TAFA1: variants seen among roughly 807,000 people sequenced by gnomAD.
TAFA1 encodes the protein TAFA chemokine like family member 1.
In TAFA1, 4 loss-of-function variants were observed where a neutral mutation model predicts 18.5. That is an observed-to-expected ratio of 0.22 (90% confidence interval 0.11 to 0.49). TAFA1 has a LOEUF of 0.49. TAFA1 is among the 20% of genes least tolerant of loss of function. The pLI is 0.98. For missense variants in TAFA1, 147 were observed against 169.0 expected, an observed-to-expected ratio of 0.87 and a Z score of 0.72; for synonymous variants, 56 against 55.2, an observed-to-expected ratio of 1.01 and a Z score of -0.06.
chr3:68,518,365 T>G (rs1311924482), intron 3 of TAFA1, among the ~76,000 whole-genome samples: 1 of 152,208 alleles, frequency 6.6e-6, no homozygotes, highest in Non-Finnish European at 1.5e-5. Context: ...AAAGTATTAT[T>G]TATTTTGTCA....
intron 3 of TAFA1, among the ~76,000 whole-genome samples, chr3:68,460,032 G>T (rs2106919386): frequency 6.6e-6 from 1 of 152,234 alleles, no homozygotes; most frequent in East Asian, 1.9e-4. Flanking sequence ...ATCTCTGAAA[G>T]AATTACTTTA....
chr3:68,055,835 C>T (rs1429233001), intron 2 of TAFA1, among the ~76,000 whole-genome samples: 1 of 152,054 alleles, frequency 6.6e-6, no homozygotes, highest in Non-Finnish European at 1.5e-5. Context: ...GCTGTTGCTT[C>T]AACACTCTAG....
chr3:68,285,322 G>GT (rs956442504), intron 2 of TAFA1, among the ~76,000 whole-genome samples: 2 of 152,112 alleles, frequency 1.3e-5, no homozygotes, highest in African/African-American at 2.4e-5. Context: ...TGAAAGTGTT[G>GT]TAAGTGTTGT....
intron 3 of TAFA1, among the ~76,000 whole-genome samples, chr3:68,481,503 C>T (rs958101100): frequency 6.6e-6 from 1 of 152,156 alleles, no homozygotes; most frequent in African/African-American, 2.4e-5. Context: ...TTTTGGCTTT[C>T]ATGACAACAC....
At chr3:68,403,212 A>G (rs1190993219) in intron 2 of TAFA1, among the ~76,000 whole-genome samples, 1 of 152,206 alleles carries the variant, frequency 6.6e-6, no homozygotes, top group Non-Finnish European at 1.5e-5. Flanking sequence ...TCCTCTATGA[A>G]TTAGCACAAT....
chr3:68,312,752 AC>A (rs202075263), intron 2 of TAFA1, among the ~76,000 whole-genome samples: 434 of 152,284 alleles, frequency 2.8e-3, no homozygotes, highest in African/African-American at 9.7e-3. Flanking sequence ...TCTGCCTGTT[AC>A]CCAGTTTGAA....
intron 2 of TAFA1, among the ~76,000 whole-genome samples, chr3:68,319,210 T>G (rs1398371568): frequency 6.6e-6 from 1 of 152,174 alleles, no homozygotes; most frequent in African/African-American, 2.4e-5. Flanking sequence ...TCAGTGTGTG[T>G]GATGTTTAAA....
chr3:67,995,148 T>G, the TAFA1 span, among the ~76,000 whole-genome samples: 1 of 152,232 alleles, frequency 6.6e-6, no homozygotes, highest in Non-Finnish European at 1.5e-5. Context: ...GGGCTAACCT[T>G]AAATCTGTTA....
chr3:68,062,911 TAGTTTTTGACAGTCTTC>T (rs2064622868), intron 2 of TAFA1, among the ~76,000 whole-genome samples: 1 of 152,230 alleles, frequency 6.6e-6, no homozygotes, highest in African/African-American at 2.4e-5. Flanking sequence ...CTAAAAGCAC[TAGTTTTTGACAGTCTTC>T]AGTGGCAGTC....
chr3:68,199,138 A>G (rs1366697612), intron 2 of TAFA1, among the ~76,000 whole-genome samples: 4 of 151,328 alleles, frequency 2.6e-5, no homozygotes, highest in Non-Finnish European at 4.4e-5. Flanking sequence ...ATCTTTCTCT[A>G]TTGTATTTCC....
chr3:68,063,699 G>A (rs2064635724), intron 2 of TAFA1, among the ~76,000 whole-genome samples: 1 of 152,168 alleles, frequency 6.6e-6, no homozygotes, highest in South Asian at 2.1e-4. Flanking sequence ...CAGACCTGCA[G>A]TCAGATTATG....
chr3:68,070,790 T>C (rs1424688437), intron 2 of TAFA1, among the ~76,000 whole-genome samples: 1 of 152,234 alleles, frequency 6.6e-6, no homozygotes, highest in African/African-American at 2.4e-5. Flanking sequence ...CACAAATCTC[T>C]AGGGCATGGG....
intron 2 of TAFA1, among the ~76,000 whole-genome samples, chr3:68,135,300 A>G (rs1352325086): frequency 6.6e-6 from 1 of 152,192 alleles, no homozygotes; most frequent in Admixed American, 6.5e-5. Flanking sequence ...ATCTACTGTA[A>G]TACATCTCCA....
At chr3:68,184,108 C>CAT (rs139670087) in intron 2 of TAFA1, among the ~76,000 whole-genome samples, 2,537 of 152,238 alleles carry the variant, frequency 0.017, 81 homozygotes, top group African/African-American at 0.058. Context: ...ACTTTACATT[C>CAT]ATATGCCTCA....
intron 2 of TAFA1, among the ~76,000 whole-genome samples, chr3:68,411,813 GC>G (rs1196214714): frequency 1.3e-5 from 2 of 152,082 alleles, no homozygotes; most frequent in African/African-American, 4.8e-5. Context: ...TTTAATACAA[GC>G]CCAGGCTTCC....
At chr3:68,294,010 T>A (rs1456338720) in intron 2 of TAFA1, among the ~76,000 whole-genome samples, 1 of 152,218 alleles carries the variant, frequency 6.6e-6, no homozygotes, top group Non-Finnish European at 1.5e-5. Flanking sequence ...TGAAATGCAC[T>A]CAGAGGAACA....
chr3:68,416,311 A>G (rs2070837251), intron 2 of TAFA1, among the ~76,000 whole-genome samples: 1 of 152,156 alleles, frequency 6.6e-6, no homozygotes, highest in African/African-American at 2.4e-5. Context: ...CAGGAGATGT[A>G]TTCTCATCCA....
intron 2 of TAFA1, among the ~76,000 whole-genome samples, chr3:68,361,156 A>G (rs145753412): frequency 4.0e-5 from 6 of 150,876 alleles, no homozygotes; most frequent in African/African-American, 1.4e-4. Context: ...AAGAAAAAAA[A>G]CAGCATTATA....
intron 2 of TAFA1, among the ~76,000 whole-genome samples, chr3:68,339,129 G>A (rs2069034960): frequency 6.6e-6 from 1 of 152,240 alleles, no homozygotes; most frequent in South Asian, 2.1e-4. Flanking sequence ...GTGGAAATTA[G>A]TGTGGATGCT....
Sources: gnomAD v4.1 joint callset for allele counts (sites outside exome capture counted in the v4.1 genomes callset) on GRCh38, gnomAD v4.1.1 for gene constraint, MANE v1.5 for transcripts, NCBI Gene and HGNC (gene_info 2026-07-23, HGNC 2026-07-21) for gene names.